PTPN13: variants seen among roughly 807,000 people sequenced by gnomAD.
PTPN13 encodes tyrosine-protein phosphatase non-receptor type 13.
PTPN13 carries 191 observed loss-of-function variants against 284.0 expected under a neutral mutation model. The ratio of observed to expected loss-of-function variants is 0.67; its 90% CI spans 0.60 to 0.76. The LOEUF is 0.76. PTPN13 is among the 30% of genes least tolerant of loss of function. PTPN13 has a pLI of 0.00. For missense variants in PTPN13, 2,797 were observed against 2,939.9 expected, an observed-to-expected ratio of 0.95 and a Z score of 1.12; for synonymous variants, 986 against 1,022.3, an observed-to-expected ratio of 0.96 and a Z score of 0.68.
chr4:86,656,564 C>A (rs1391152736), intron 2 of PTPN13, among the ~76,000 whole-genome samples: 2 of 152,128 alleles, frequency 1.3e-5, no homozygotes, highest in African/African-American at 4.8e-5. Context: ...GCAAATGTTG[C>A]TGCCTGATCG....
chr4:86,743,055 C>T (rs1736331163), intron 16 of PTPN13, among the ~76,000 whole-genome samples: 1 of 151,948 alleles, frequency 6.6e-6, no homozygotes, highest in South Asian at 2.1e-4. Context: ...TTTAACTCTC[C>T]TTTTTTCTTC....
chr4:86,771,370 C>A lies in PTPN13; in HGVS notation c.5003C>A (p.Ala1668Glu), dbSNP rs61730639. The part of the protein sequence containing the change: ...SGEDDLVTAP[A>E]NISNSTWSSA... The stretch of plus-strand genomic sequence containing the variant: ...GAAGATGACTTAGTGACAGCTCCAG[C>A]AAACATATCAAATTCGACCTGGAGT... The change falls in exon 31 of 48, where the codon GCA (alanine) becomes GAA (glutamate). Residue 1668 changes from alanine to glutamate, a missense_variant. Transcript: ENST00000411767. 310 of 1,576,770 alleles carry A rather than the reference C, an allele frequency of 2.0e-4. 2 individuals are homozygous for A. The East Asian group carries it at 4.8e-3, about 25-fold the overall frequency.
chr4:86,634,854 T>C (rs1213016113), intron 1 of PTPN13, among the ~76,000 whole-genome samples: 1 of 152,198 alleles, frequency 6.6e-6, no homozygotes, highest in Non-Finnish European at 1.5e-5. Context: ...TCTCTATTTC[T>C]CTCTACTTTT....
intron 2 of PTPN13, among the ~76,000 whole-genome samples, chr4:86,669,407 A>G (rs1316941324): frequency 1.3e-5 from 2 of 151,478 alleles, no homozygotes; most frequent in Non-Finnish European, 2.9e-5. Flanking sequence ...ATCATTACAC[A>G]TTGTACATAT....
chr4:86,746,486 T>G (rs1736775392), intron 17 of PTPN13, among the ~76,000 whole-genome samples: 1 of 151,930 alleles, frequency 6.6e-6, no homozygotes, highest in African/African-American at 2.4e-5. Flanking sequence ...TTTCTCAACC[T>G]TTCAGAATCA....
At chr4:86,784,642 T>TTTAATTACTCTAAA in intron 38 of PTPN13, 84 bp downstream of exon 38, 1 of 825,086 alleles carries the variant, frequency 1.2e-6, no homozygotes, top group Non-Finnish European at 1.9e-6. Flanking sequence ...CCTCTTTTCT[T>TTTAATTACTCTAAA]TGCTTTATAT....
Position 86,784,515 on chromosome 4 carries a change from T to C in PTPN13, c.6075T>C (p.Ser2025=). 1 of 1,609,266 alleles carries C rather than the reference T, an allele frequency of 6.2e-7. No homozygotes were observed. Among genetic ancestry groups the C allele is most frequent in the Non-Finnish European group, 8.5e-7 (1 of 1,178,336 alleles). The change falls in exon 38 of 48, where the codon TCT becomes TCC. Residue 2025 remains serine, a synonymous_variant. Transcript: ENST00000411767. ...NEISYPKGKC[S]TYQIKGSPNL... ...TATCGTACCCCAAAGGAAAATGTTC[T>C]ACTTATCAGATAAAGGGATCACCAA...
intron 42 of PTPN13, among the ~76,000 whole-genome samples, chr4:86,801,893 T>C (rs1238390535): frequency 3.3e-5 from 5 of 152,210 alleles, no homozygotes; most frequent in Admixed American, 6.5e-5. Flanking sequence ...GTTTTACTTA[T>C]GGTCACATTT....
intron 1 of PTPN13, among the ~76,000 whole-genome samples, chr4:86,609,494 T>G (rs1255628239): frequency 1.3e-5 from 2 of 152,198 alleles, no homozygotes; most frequent in African/African-American, 4.8e-5. Flanking sequence ...GACATAATGT[T>G]GCACTAAACT....
At chr4:86,742,157 A>G (rs1736235024) in intron 16 of PTPN13, among the ~76,000 whole-genome samples, 1 of 152,198 alleles carries the variant, frequency 6.6e-6, no homozygotes, top group South Asian at 2.1e-4. Flanking sequence ...GTTTTTAAGA[A>G]AGATAGTTAT....
chr4:86,635,301 A>C lies in PTPN13; in HGVS notation c.45A>C (p.Pro15=). Residue 15 remains proline (P), a synonymous_variant, in exon 2 of 48, where the codon CCA becomes CCC. Transcript: ENST00000411767. ...LAEALEVRGG[P]LQEEEIWAVL... Reference sequence around the variant, plus strand: ...AGGCCCTGGAGGTTCGGGGTGGACCACTTCAGGAGGAAGAAATATGGGCTG... The same window carrying C: ...AGGCCCTGGAGGTTCGGGGTGGACCCCTTCAGGAGGAAGAAATATGGGCTG... 6.2e-7 allele frequency: 1 copy of C among 1,608,004 alleles called. No homozygotes were observed. Among genetic ancestry groups the C allele is most frequent in the Non-Finnish European group, 8.5e-7 (1 of 1,177,480 alleles).
intron 2 of PTPN13, among the ~76,000 whole-genome samples, chr4:86,663,164 CT>C (rs1565265081): frequency 6.6e-6 from 1 of 152,194 alleles, no homozygotes; most frequent in Non-Finnish European, 1.5e-5. Context: ...AAAGAAGTAT[CT>C]CTTTCTTACC....
chr4:86,717,892 A>G (rs1262689493), intron 9 of PTPN13, among the ~76,000 whole-genome samples: 1 of 151,726 alleles, frequency 6.6e-6, no homozygotes, highest in Non-Finnish European at 1.5e-5. Flanking sequence ...TTCCTGGCTT[A>G]AAAGAGGTTA....
intron 15 of PTPN13, among the ~76,000 whole-genome samples, chr4:86,737,367 G>A (rs1420227315): frequency 6.6e-6 from 1 of 152,098 alleles, no homozygotes; most frequent in East Asian, 1.9e-4. Flanking sequence ...GCAAACTGTG[G>A]CCTGCCTGTT....
At chr4:86,636,398 T>C (rs1216707978) in intron 2 of PTPN13, among the ~76,000 whole-genome samples, 9 of 145,688 alleles carry the variant, frequency 6.2e-5, no homozygotes, top group South Asian at 2.2e-4. Flanking sequence ...TTGCCATTCA[T>C]AGCACCTGAC....
chr4:86,599,178 A>G (rs796346987), intron 1 of PTPN13, among the ~76,000 whole-genome samples: 1 of 152,220 alleles, frequency 6.6e-6, no homozygotes, highest in Non-Finnish European at 1.5e-5. Context: ...ACCATAGTCA[A>G]CTTTGGAACC....
chr4:86,665,847 G>T (rs112926549), intron 2 of PTPN13, among the ~76,000 whole-genome samples: 7,090 of 152,144 alleles, frequency 0.047, 222 homozygotes, highest in African/African-American at 0.061. Context: ...ATGCTAAGTA[G>T]GTGATTGAGG....
intron 2 of PTPN13, among the ~76,000 whole-genome samples, chr4:86,644,380 C>T (rs1724172322): frequency 6.6e-6 from 1 of 152,132 alleles, no homozygotes; most frequent in Admixed American, 6.5e-5. Context: ...CCTCAAGCGA[C>T]CCGCTCGCAT....
chr4:86,764,256 A>G (rs1026362285), intron 24 of PTPN13, among the ~76,000 whole-genome samples: 2 of 152,318 alleles, frequency 1.3e-5, no homozygotes, highest in East Asian at 3.9e-4. Flanking sequence ...ACTGGGTTCT[A>G]TATAGGTTTC....
Sources: allele counts gnomAD v4.1 joint callset (sites outside exome capture counted in the v4.1 genomes callset), GRCh38; gene constraint gnomAD v4.1.1; transcripts MANE v1.5; gene names NCBI Gene and HGNC (gene_info 2026-07-23, HGNC 2026-07-21).